NBAS: variants seen among roughly 807,000 people sequenced by gnomAD.
NBAS encodes NAG/BC035112 fusion.
A neutral mutation model predicts 302.5 loss-of-function variants in NBAS; 219 were observed. That is an observed-to-expected ratio of 0.72 (90% CI 0.65 to 0.81). The LOEUF (loss-of-function observed/expected upper bound fraction) is 0.81, where lower values mean the gene tolerates loss of function less well. Ranked by LOEUF, NBAS falls within the 30% of genes least tolerant of loss-of-function variation. The pLI, the probability that NBAS is intolerant of heterozygous loss-of-function variation, is 0.00. For missense variants in NBAS, 2,932 were observed against 2,841.6 expected (o/e 1.03, Z -0.72); for synonymous variants, 1,118 against 1,021.6 (o/e 1.09, Z -1.80).
chr2:15,279,579 G>A (rs1406393676), intron 42 of NBAS, among the ~76,000 whole-genome samples: 1 of 152,178 alleles, frequency 6.6e-6, no homozygotes, highest in African/African-American at 2.4e-5. Context: ...GTTCATCTAT[G>A]TTTGACTTGA....
At chr2:15,167,549 T>A (rs954336002) in intron 51 of NBAS, among the ~76,000 whole-genome samples, 4 of 152,218 alleles carry the variant, frequency 2.6e-5, no homozygotes, top group Admixed American at 6.5e-5. Flanking sequence ...CAATCATCAC[T>A]ACAGCTTCCA....
At chr2:15,472,230 C>T (rs568561639) in intron 16 of NBAS, among the ~76,000 whole-genome samples, 3 of 152,194 alleles carry the variant, frequency 2.0e-5, no homozygotes, top group Admixed American at 6.5e-5. Flanking sequence ...TCCTGATGTG[C>T]TTTGGTTCTT....
chr2:15,536,235 T>A (rs1028729246), intron 8 of NBAS, among the ~76,000 whole-genome samples, 183 bp downstream of exon 8: 6 of 151,824 alleles, frequency 4.0e-5, no homozygotes, highest in Non-Finnish European at 5.9e-5. Context: ...CACAGTAAAA[T>A]CCTAATTGTA....
At chr2:15,282,248 C>T (rs1669857469) in intron 42 of NBAS, among the ~76,000 whole-genome samples, 1 of 152,146 alleles carries the variant, frequency 6.6e-6, no homozygotes, top group South Asian at 2.1e-4. Flanking sequence ...TAACCACTCT[C>T]ACACTAACTC....
At chr2:14,896,767 A>G in the NBAS span, among the ~76,000 whole-genome samples, 1 of 152,208 alleles carries the variant, frequency 6.6e-6, no homozygotes, top group African/African-American at 2.4e-5. Flanking sequence ...GCAAAGAAGA[A>G]GCTGGTATTT....
At chr2:14,911,772 G>T in the NBAS span, among the ~76,000 whole-genome samples, 2 of 152,350 alleles carry the variant, frequency 1.3e-5, no homozygotes, top group East Asian at 3.9e-4. Flanking sequence ...AATCCCAGCT[G>T]TGTAGCATCC....
the NBAS span, among the ~76,000 whole-genome samples, chr2:14,865,224 C>T: frequency 8.2e-4 from 125 of 152,026 alleles, no homozygotes; most frequent in Non-Finnish European, 1.4e-3. Flanking sequence ...ATAACTCTAA[C>T]TTCTTTCCCC....
chr2:14,927,593 G>GATCAAGTAGTAATTCCATGTTTA, the NBAS span, among the ~76,000 whole-genome samples: 3 of 152,126 alleles, frequency 2.0e-5, no homozygotes, highest in Non-Finnish European at 4.4e-5. Flanking sequence ...AAAATAATTG[G>GATCAAGTAGTAATTCCATGTTTA]ATCAAGTAGT....
intron 11 of NBAS, among the ~76,000 whole-genome samples, chr2:15,496,420 T>C (rs192624233): frequency 2.6e-5 from 4 of 152,326 alleles, no homozygotes; most frequent in Non-Finnish European, 5.9e-5. Flanking sequence ...TGCACAGTTC[T>C]GTGAATATAC....
At chr2:15,312,230 T>C (rs1671309755) in intron 38 of NBAS, among the ~76,000 whole-genome samples, 1 of 152,192 alleles carries the variant, frequency 6.6e-6, no homozygotes, top group Non-Finnish European at 1.5e-5. Context: ...TATCTCTTAA[T>C]CCCACCTTAC....
At chr2:14,859,549 A>G in the NBAS span, among the ~76,000 whole-genome samples, 265 of 152,180 alleles carry the variant, frequency 1.7e-3, no homozygotes, top group African/African-American at 6.1e-3. Flanking sequence ...CAGACAACTC[A>G]TCTTCAACAA....
intron 23 of NBAS, among the ~76,000 whole-genome samples, chr2:15,423,574 C>T (rs1677312108): frequency 6.6e-6 from 1 of 152,142 alleles, no homozygotes; most frequent in Non-Finnish European, 1.5e-5. Flanking sequence ...TCCCATGGTA[C>T]TGCTGCTCAC....
intron 34 of NBAS, among the ~76,000 whole-genome samples, chr2:15,352,783 G>C (rs1377601675): frequency 2.6e-5 from 4 of 152,150 alleles, no homozygotes; most frequent in African/African-American, 4.8e-5. Context: ...ACATGCTTGA[G>C]CTCACTGGCC....
At chr2:14,926,099 C>T in the NBAS span, among the ~76,000 whole-genome samples, 1 of 152,112 alleles carries the variant, frequency 6.6e-6, no homozygotes, top group South Asian at 2.1e-4. Context: ...AAGAATCCTC[C>T]AGGATTGTTA....
the NBAS span, among the ~76,000 whole-genome samples, chr2:14,805,436 G>C: frequency 6.6e-6 from 1 of 152,256 alleles, no homozygotes; most frequent in East Asian, 1.9e-4. Flanking sequence ...AACTTTATTT[G>C]CAGGCAAATA....
At position 15,394,263 on chromosome 2, in the gene NBAS, T is replaced by G; in HGVS notation, c.3221A>C (p.Lys1074Thr). Residue 1074 changes from lysine (K) to threonine (T), a missense_variant, in exon 28 of 52, where the codon AAG (lysine) becomes ACG (threonine). Transcript: ENST00000281513. ...GTGCCTCGTCAATCTAACCATCAGC[T>G]TGCGTGCCTCTTCTGAGCTAGATTG... ...NTQSSSEEAR[K>T]LMVRLTRHTG... 2 of 1,612,444 alleles carry G rather than the reference T, an allele frequency of 1.2e-6. No individual in the cohort carries two copies. The highest frequency in any genetic ancestry group is 1.7e-6 in the Non-Finnish European group (2 of 1,179,052).
intron 32 of NBAS, among the ~76,000 whole-genome samples, chr2:15,358,529 C>T (rs181637539): frequency 6.6e-6 from 1 of 152,256 alleles, no homozygotes; most frequent in African/African-American, 2.4e-5. Flanking sequence ...ACTGCAACCT[C>T]GACCTCCCAG....
At chr2:15,553,534 G>C (rs1490778949) in intron 4 of NBAS, 61 bp from the exon 5 acceptor site, 1 of 1,372,174 alleles carries the variant, frequency 7.3e-7, no homozygotes, top group Non-Finnish European at 1.0e-6. Context: ...GCAGTTTTCA[G>C]CACAGATGGA....
intron 9 of NBAS, among the ~76,000 whole-genome samples, chr2:15,527,099 GA>G (rs55822372): frequency 0.011 from 1,469 of 137,470 alleles, 35 homozygotes; most frequent in African/African-American, 0.035. Context: ...AGGGACAAGA[GA>G]AAAAAAAAAA....
Sources: gnomAD v4.1 joint callset for allele counts (sites outside exome capture counted in the v4.1 genomes callset) on GRCh38, gnomAD v4.1.1 for gene constraint, MANE v1.5 for transcripts, NCBI Gene and HGNC (gene_info 2026-07-23, HGNC 2026-07-21) for gene names.